SIAH2: variants seen among roughly 807,000 people sequenced by gnomAD.
SIAH2 encodes siah E3 ubiquitin protein ligase 2.
In SIAH2, 4 loss-of-function variants were observed where a neutral mutation model predicts 20.4. That is an observed-to-expected ratio of 0.20 (90% CI 0.10 to 0.45). The LOEUF is 0.45. Among genes scored for constraint, SIAH2 ranks in the 20% least tolerant of loss-of-function variants. The probability of loss-of-function intolerance (pLI) is 0.99; values close to 1 mark genes in which losing one functional copy is unlikely to be tolerated. For missense variants in SIAH2, 259 were observed against 440.3 expected, an observed-to-expected ratio of 0.59 and a Z score of 3.69; for synonymous variants, 171 against 192.5, an observed-to-expected ratio of 0.89 and a Z score of 0.93.
In SIAH2 at chr3:150,741,700, A is replaced by AC. The variant is rs1435263561; in HGVS notation, c.*440dup. On this transcript the variant is annotated 3_prime_UTR_variant, in exon 2 of 2. Coordinates refer to ENST00000312960, the MANE Select transcript of SIAH2 (RefSeq NM_005067.7). Reference sequence around the variant, plus strand: ...ATTAGCCAGCCATCCAATTTCAGAAACACTGTTTAAAATGCATTAAAACAA... The same window carrying AC: ...ATTAGCCAGCCATCCAATTTCAGAAACCACTGTTTAAAATGCATTAAAACAA... 6.4e-6 allele frequency: 1 copy of AC among 156,170 alleles called. No homozygotes were observed. The highest frequency in any genetic ancestry group is 2.4e-5 in the African/African-American group (1 of 41,506). The allele number at this position is 156,170 out of a possible 1,614,324, so 9.7% of individuals were successfully genotyped here.
At chr3:150,759,933 A>G (rs1714567593) in intron 1 of SIAH2, among the ~76,000 whole-genome samples, 1 of 152,102 alleles carries the variant, frequency 6.6e-6, no homozygotes, top group African/African-American at 2.4e-5. Context: ...TACTTTATTC[A>G]ACGTTGGTTT....
At chr3:150,761,408 T>C (rs1366576835) in intron 1 of SIAH2, among the ~76,000 whole-genome samples, 1 of 152,198 alleles carries the variant, frequency 6.6e-6, no homozygotes, top group African/African-American at 2.4e-5. Flanking sequence ...CCATTTAAAA[T>C]ACAATGAAGT....
At chr3:150,746,654 T>A (rs1279498039) in intron 1 of SIAH2, among the ~76,000 whole-genome samples, 1 of 152,204 alleles carries the variant, frequency 6.6e-6, no homozygotes, top group African/African-American at 2.4e-5. Flanking sequence ...TCTCCAGGCA[T>A]GGCCAAATGT....
Position 150,762,894 on chromosome 3 carries a change from G to C in SIAH2, c.-45C>G, listed in dbSNP as rs768086728. On this transcript the variant is annotated 5_prime_UTR_variant, in exon 1 of 2. Coordinates refer to ENST00000312960, the MANE Select transcript of SIAH2 (RefSeq NM_005067.7). The surrounding 1 kb of genome is among the most constrained non-coding windows in gnomAD (Gnocchi z 6.6). The stretch of plus-strand genomic sequence containing the variant: ...GGAACTGCGGGCGCCTGCCTGCCGC[G>C]GGGCCGCCCGGGTCAAGGCGGTGCG... The C allele has an allele frequency of 6.1e-6, 7 of 1,150,318 alleles. No individual in the cohort carries two copies. The African/African-American group carries it at 8.2e-5, about 14-fold the overall frequency. 71.3% of individuals were successfully genotyped at this position (1,150,318 alleles called of 1,614,324 possible).
chr3:150,748,872 G>A (rs1714286980), intron 1 of SIAH2, among the ~76,000 whole-genome samples: 1 of 152,120 alleles, frequency 6.6e-6, no homozygotes, highest in Non-Finnish European at 1.5e-5. Context: ...TCCTATAAAG[G>A]ACATTCATTA....
At chr3:150,746,359 G>A (rs1344796995) in intron 1 of SIAH2, among the ~76,000 whole-genome samples, 1 of 152,148 alleles carries the variant, frequency 6.6e-6, no homozygotes, top group Non-Finnish European at 1.5e-5. Context: ...TCGTGCCACT[G>A]CATTGCAGCC....
At chr3:150,757,450 C>G (rs887679070) in intron 1 of SIAH2, among the ~76,000 whole-genome samples, 2 of 152,056 alleles carry the variant, frequency 1.3e-5, no homozygotes, top group Non-Finnish European at 2.9e-5. Flanking sequence ...GAAAAGAAAA[C>G]AAGCTACAAA....
At chr3:150,747,976 A>G (rs2108119050) in intron 1 of SIAH2, among the ~76,000 whole-genome samples, 1 of 151,830 alleles carries the variant, frequency 6.6e-6, no homozygotes, top group Middle Eastern at 3.4e-3. Flanking sequence ...AAAAAAAAAA[A>G]AAAAAAAAAA....
intron 1 of SIAH2, among the ~76,000 whole-genome samples, chr3:150,744,871 A>G (rs1714174271): frequency 6.6e-6 from 1 of 152,154 alleles, no homozygotes; most frequent in South Asian, 2.1e-4. Context: ...CAATCATTTT[A>G]TAACTTTCCC....
Position 150,742,307 on chromosome 3 carries a change from T to A in SIAH2, c.809A>T (p.Asn270Ile), listed in dbSNP as rs1714110431. The A allele has an allele frequency of 6.2e-7, 1 of 1,613,966 alleles. No individual in the cohort carries two copies. Among genetic ancestry groups the A allele is most frequent in the Non-Finnish European group, 8.5e-7 (1 of 1,180,020 alleles). Reference protein sequence around the residue: ...NFAYRLELNGNRRRLTWEATP... With the variant: ...NFAYRLELNGIRRRLTWEATP... ...GGCCTCCCAGGTCAATCTCCGCCGG[T>A]TCCCATTCAACTCCAGTCTGTAGGC... is the stretch of plus-strand genomic sequence containing the variant. Residue 270 changes from asparagine to isoleucine, a missense_variant, in exon 2 of 2, where the codon AAC (asparagine) becomes ATC (isoleucine). This residue lies in a region of SIAH2 where 160 missense variants were observed against 327.6 expected (regional missense o/e 0.49). Transcript: ENST00000312960. The surrounding 1 kb of genome is among the most constrained non-coding windows in gnomAD (Gnocchi z 4.8).
chr3:150,756,193 C>T (rs1714481973), intron 1 of SIAH2, among the ~76,000 whole-genome samples: 1 of 152,202 alleles, frequency 6.6e-6, no homozygotes, highest in South Asian at 2.1e-4. Flanking sequence ...TACATTTGAT[C>T]AGGAAGACTT....
chr3:150,760,226 A>G (rs574124948), intron 1 of SIAH2, among the ~76,000 whole-genome samples: 27 of 152,310 alleles, frequency 1.8e-4, no homozygotes, highest in Non-Finnish European at 1.9e-4. Context: ...TGATCAACCA[A>G]AGGTGAGGGA....
rs1161046368 is a variant in SIAH2 at position 150,751,628 on chromosome 3, C to A, written c.418-8930G>T. Reference sequence around the variant, plus strand: ...GACAATTCTAATTAAAATCTTGGGCCCAAAAATCTGTCCTTTTTGCCTAAG... The same window carrying A: ...GACAATTCTAATTAAAATCTTGGGCACAAAAATCTGTCCTTTTTGCCTAAG... On this transcript the variant is annotated intron_variant, in intron 1 of 1. Coordinates refer to ENST00000312960, the MANE Select transcript of SIAH2 (RefSeq NM_005067.7). Among the ~76,000 whole-genome samples the A allele has an allele frequency of 2.6e-5, 4 of 152,060 alleles. No individual in the cohort carries two copies. The East Asian group carries it at 7.7e-4, about 29-fold the overall frequency.
Position 150,742,042 on chromosome 3 carries a change from C to G in SIAH2, c.*99G>C. 1 of 1,180,516 alleles carries G rather than the reference C, an allele frequency of 8.5e-7. No individual in the cohort carries two copies. Among genetic ancestry groups the G allele is most frequent in the Non-Finnish European group, 1.2e-6 (1 of 840,180 alleles). The allele number at this position is 1,180,516 out of a possible 1,614,324, so 73.1% of individuals were successfully genotyped here. On this transcript the variant is annotated 3_prime_UTR_variant, in exon 2 of 2. Transcript: ENST00000312960. This position sits in a 1 kb window ranked among gnomAD's most constrained non-coding sequence, Gnocchi z 4.8. ...AAACAAAACACGGGTAATTGTGGGT[C>G]CTGACTTGTGAAGACATATGGAATA... is the stretch of plus-strand genomic sequence containing the variant.
At chr3:150,760,483 T>C (rs1714582051) in intron 1 of SIAH2, among the ~76,000 whole-genome samples, 1 of 152,208 alleles carries the variant, frequency 6.6e-6, no homozygotes, top group African/African-American at 2.4e-5. Context: ...CAGTAGCCTG[T>C]TTCACGTTAG....
At chr3:150,753,253 G>A (rs1040951504) in intron 1 of SIAH2, among the ~76,000 whole-genome samples, 2 of 152,214 alleles carry the variant, frequency 1.3e-5, no homozygotes, top group African/African-American at 4.8e-5. Context: ...AACTGGCTAG[G>A]CAGATGGGTT....
intron 1 of SIAH2, among the ~76,000 whole-genome samples, chr3:150,752,171 C>T (rs1356168690): frequency 1.3e-5 from 2 of 152,194 alleles, no homozygotes; most frequent in Non-Finnish European, 2.9e-5. Flanking sequence ...TCAGTATGCC[C>T]TCACTCTTCC....
chr3:150,760,842 A>G (rs576591126), intron 1 of SIAH2, among the ~76,000 whole-genome samples: 2 of 152,338 alleles, frequency 1.3e-5, no homozygotes, highest in South Asian at 4.1e-4. Flanking sequence ...TTTTCCAACC[A>G]CTAGGTTGTC....
chr3:150,760,448 C>T (rs1470852966), intron 1 of SIAH2, among the ~76,000 whole-genome samples: 1 of 152,210 alleles, frequency 6.6e-6, no homozygotes, highest in Non-Finnish European at 1.5e-5. Context: ...CCCTGATTCC[C>T]AGAACTACTC....
Sources: gnomAD v4.1 joint callset for allele counts (sites outside exome capture counted in the v4.1 genomes callset) on GRCh38, gnomAD v4.1.1 for gene constraint, gnomAD v4.1.1 regional missense constraint, Gnocchi (gnomAD v3.1) non-coding constraint, MANE v1.5 for transcripts, NCBI Gene and HGNC (gene_info 2026-07-23, HGNC 2026-07-21) for gene names.